Variants in LRMDA observed in about 807,000 individuals in gnomAD.
The protein encoded by LRMDA is leucine-rich melanocyte differentiation-associated protein.
In LRMDA, 18 loss-of-function variants were observed where a neutral mutation model predicts 29.8. The observed-to-expected ratio is 0.60, with a 90% CI of 0.42 to 0.90. The LOEUF is 0.90. Among genes scored for constraint, LRMDA ranks in the 40% least tolerant of loss-of-function variants. The pLI, the probability that LRMDA is intolerant of heterozygous loss-of-function variation, is 0.00. For missense variants in LRMDA, 273 were observed against 273.9 expected (o/e 1.00, Z 0.02); for synonymous variants, 125 against 109.4 (o/e 1.14, Z -0.89).
At chr10:75,705,979 C>A (rs555552999) in intron 2 of LRMDA, among the ~76,000 whole-genome samples, 3 of 152,090 alleles carry the variant, frequency 2.0e-5, no homozygotes, top group African/African-American at 7.2e-5. Flanking sequence ...TTAATCTTGC[C>A]GCATTATCAC....
intron 5 of LRMDA, among the ~76,000 whole-genome samples, chr10:76,225,002 C>T (rs1173353092): frequency 6.6e-6 from 1 of 152,040 alleles, no homozygotes; most frequent in Non-Finnish European, 1.5e-5. Flanking sequence ...AGTAAAGTCC[C>T]AGCTAGTATG....
chr10:75,560,362 G>T (rs1395532876), intron 2 of LRMDA, among the ~76,000 whole-genome samples: 2 of 151,512 alleles, frequency 1.3e-5, no homozygotes, highest in Admixed American at 6.6e-5. Flanking sequence ...AAGAATGCTT[G>T]TGATTTTTGC....
At chr10:76,514,497 G>A (rs941337623) in intron 6 of LRMDA, among the ~76,000 whole-genome samples, 3 of 152,206 alleles carry the variant, frequency 2.0e-5, no homozygotes, top group Non-Finnish European at 4.4e-5. Context: ...AGGCTTTCTG[G>A]AGAGAGCAGG....
intron 2 of LRMDA, among the ~76,000 whole-genome samples, chr10:75,836,266 A>G (rs1844434680): frequency 6.6e-6 from 1 of 152,184 alleles, no homozygotes; most frequent in Non-Finnish European, 1.5e-5. Flanking sequence ...TGCTGCAGCC[A>G]ACACATGTTA....
intron 6 of LRMDA, among the ~76,000 whole-genome samples, chr10:76,454,106 T>A (rs1298120037): frequency 6.6e-6 from 1 of 152,162 alleles, no homozygotes; most frequent in Non-Finnish European, 1.5e-5. Context: ...TATTTTGAAA[T>A]CACATTTGGG....
intron 6 of LRMDA, among the ~76,000 whole-genome samples, chr10:76,333,403 G>T (rs1239074480): frequency 6.6e-6 from 1 of 152,190 alleles, no homozygotes; most frequent in Non-Finnish European, 1.5e-5. Flanking sequence ...AGAAGCCTTA[G>T]ATTTCCAGAT....
At chr10:76,501,238 TG>T (rs1189278605) in intron 6 of LRMDA, among the ~76,000 whole-genome samples, 1 of 150,216 alleles carries the variant, frequency 6.7e-6, no homozygotes, top group African/African-American at 2.4e-5. Context: ...CATTCTAAGG[TG>T]AACATATACC....
intron 2 of LRMDA, among the ~76,000 whole-genome samples, chr10:75,651,512 C>T (rs1841599263): frequency 6.6e-6 from 1 of 152,206 alleles, no homozygotes; most frequent in Non-Finnish European, 1.5e-5. Context: ...CATCCATTCT[C>T]TGGACACTCA....
intron 5 of LRMDA, among the ~76,000 whole-genome samples, chr10:76,276,910 T>G (rs1184585172): frequency 2.0e-5 from 3 of 152,210 alleles, no homozygotes; most frequent in Non-Finnish European, 4.4e-5. Flanking sequence ...TCTGTGCCTG[T>G]ACACTCAAGA....
chr10:76,038,347 C>T (rs917491540), intron 3 of LRMDA, among the ~76,000 whole-genome samples: 3 of 152,238 alleles, frequency 2.0e-5, no homozygotes, highest in African/African-American at 7.2e-5. Flanking sequence ...TGGTTGAGTC[C>T]TTTCCCTATT....
intron 2 of LRMDA, among the ~76,000 whole-genome samples, chr10:75,879,021 C>T (rs1845248535): frequency 6.6e-6 from 1 of 152,200 alleles, no homozygotes; most frequent in African/African-American, 2.4e-5. Flanking sequence ...GGTCTGCTGT[C>T]TTGGACATTG....
intron 2 of LRMDA, among the ~76,000 whole-genome samples, chr10:75,609,278 AC>A (rs766447839): frequency 6.6e-6 from 1 of 152,174 alleles, no homozygotes; most frequent in Admixed American, 6.5e-5. Flanking sequence ...TTGTAAAGAC[AC>A]CCACACCCAC....
chr10:75,559,644 T>G (rs947553254), intron 2 of LRMDA, among the ~76,000 whole-genome samples: 3 of 150,096 alleles, frequency 2.0e-5, no homozygotes, highest in African/African-American at 7.3e-5. Context: ...TAGGTTTTCT[T>G]CTAGGGTTTT....
chr10:76,520,774 G>A (rs1167879591), intron 6 of LRMDA, among the ~76,000 whole-genome samples: 1 of 152,098 alleles, frequency 6.6e-6, no homozygotes, highest in Middle Eastern at 3.2e-3. Flanking sequence ...AGGCTTTGCT[G>A]AGAATGTTCT....
intron 2 of LRMDA, among the ~76,000 whole-genome samples, chr10:75,969,810 C>A (rs1371126305): frequency 3.3e-5 from 5 of 152,032 alleles, no homozygotes; most frequent in African/African-American, 1.2e-4. Flanking sequence ...GTCCTCAGAC[C>A]CAATATTTAA....
intron 2 of LRMDA, among the ~76,000 whole-genome samples, chr10:75,507,267 C>T (rs953275581): frequency 3.3e-5 from 5 of 152,180 alleles, no homozygotes; most frequent in African/African-American, 1.2e-4. Context: ...CAAAATGGCA[C>T]TACAGCCTAT....
intron 6 of LRMDA, among the ~76,000 whole-genome samples, chr10:76,412,442 T>G (rs952226253): frequency 2.6e-5 from 4 of 152,226 alleles, no homozygotes; most frequent in African/African-American, 9.6e-5. Flanking sequence ...ATACTGTGGC[T>G]TTTTGTAGCA....
chr10:76,411,915 G>A (rs1841965550), intron 6 of LRMDA, among the ~76,000 whole-genome samples: 2 of 152,218 alleles, frequency 1.3e-5, no homozygotes. Flanking sequence ...TGGAGGCGCT[G>A]GCCTTCACTT....
At chr10:76,201,082 T>C (rs1348907493) in intron 5 of LRMDA, among the ~76,000 whole-genome samples, 3 of 124,112 alleles carry the variant, frequency 2.4e-5, no homozygotes, top group African/African-American at 1.1e-4. Context: ...TATTTATTTA[T>C]TTATTTATTT....
Sources: gnomAD v4.1 joint callset for allele counts (sites outside exome capture counted in the v4.1 genomes callset) on GRCh38, gnomAD v4.1.1 for gene constraint, MANE v1.5 for transcripts, NCBI Gene and HGNC (gene_info 2026-07-23, HGNC 2026-07-21) for gene names.